Variants in NFIA observed in about 807,000 individuals in gnomAD.
NFIA encodes nuclear factor I A, also known as nuclear factor 1 A-type.
A neutral mutation model predicts 62.8 loss-of-function variants in NFIA; 8 were observed. That is an observed-to-expected ratio of 0.13 (90% confidence interval 0.07 to 0.23). The LOEUF (loss-of-function observed/expected upper bound fraction) is 0.23. Among genes scored for constraint, NFIA ranks in the 10% least tolerant of loss-of-function variants. NFIA has a pLI of 1.00. For missense variants in NFIA, 410 were observed against 642.1 expected (o/e 0.64, Z 3.91); for synonymous variants, 235 against 238.1 (o/e 0.99, Z 0.12).
chr1:61,433,639 T>C (rs1408066393), intron 10 of NFIA, among the ~76,000 whole-genome samples: 1 of 152,194 alleles, frequency 6.6e-6, no homozygotes, highest in African/African-American at 2.4e-5. Flanking sequence ...ACCTAACAAA[T>C]GATAGCTTTC....
chr1:61,252,878 C>A (rs1409012419), intron 2 of NFIA, among the ~76,000 whole-genome samples: 1 of 152,248 alleles, frequency 6.6e-6, no homozygotes, highest in South Asian at 2.1e-4. Context: ...AAGGTAACTT[C>A]TATTCTATTT....
intron 2 of NFIA, among the ~76,000 whole-genome samples, chr1:61,209,040 G>T (rs902794305): frequency 1.3e-5 from 2 of 152,122 alleles, no homozygotes; most frequent in African/African-American, 4.8e-5. Context: ...ATTTCCTGCT[G>T]TACTGGAGTA....
upstream of NFIA, chr1:61,081,930 A>G (rs1371899329): frequency 6.5e-7 from 1 of 1,550,104 alleles, no homozygotes; most frequent in South Asian, 1.2e-5. Flanking sequence ...GATTTTTCAA[A>G]GAAATTTGCA....
At chr1:61,346,409 T>C (rs1374189420) in intron 4 of NFIA, among the ~76,000 whole-genome samples, 1 of 152,232 alleles carries the variant, frequency 6.6e-6, no homozygotes, top group Non-Finnish European at 1.5e-5. Context: ...CCACAACTTT[T>C]ATTAGTTTCT....
chr1:61,208,899 G>A (rs1190487636), intron 2 of NFIA, among the ~76,000 whole-genome samples: 1 of 152,170 alleles, frequency 6.6e-6, no homozygotes, highest in Non-Finnish European at 1.5e-5. Context: ...TAAGTAGTGG[G>A]CAGTCAAAGA....
chr1:61,152,843 T>C (rs1648520313), intron 2 of NFIA, among the ~76,000 whole-genome samples: 1 of 152,180 alleles, frequency 6.6e-6, no homozygotes, highest in Non-Finnish European at 1.5e-5. Context: ...AATACTGTAT[T>C]GTAATATTTG....
At chr1:61,426,812 CTAGTGTGTGTTCCCTCT>C (rs1371538762) in intron 10 of NFIA, among the ~76,000 whole-genome samples, 17 of 152,182 alleles carry the variant, frequency 1.1e-4, no homozygotes, top group African/African-American at 3.9e-4. Flanking sequence ...CCAGTGTTAG[CTAGTGTGTGTTCCCTCT>C]TATAGGAATT....
chr1:61,082,852 G>GA (rs1646138040), intron 1 of NFIA, 34 bp downstream of exon 1: 1 of 1,545,302 alleles, frequency 6.5e-7, no homozygotes, highest in Admixed American at 2.0e-5. Flanking sequence ...GGGCTTGGGG[G>GA]CCGGGGCGCC....
intron 2 of NFIA, among the ~76,000 whole-genome samples, chr1:61,096,321 C>G (rs917976199): frequency 6.6e-6 from 1 of 151,800 alleles, no homozygotes; most frequent in Non-Finnish European, 1.5e-5. Flanking sequence ...TCAAGCGATT[C>G]TCCTGTCTCA....
chr1:61,134,628 T>C (rs1306761692), intron 2 of NFIA, among the ~76,000 whole-genome samples: 2 of 152,208 alleles, frequency 1.3e-5, no homozygotes, highest in Non-Finnish European at 2.9e-5. Flanking sequence ...TTAGTTGTTA[T>C]TATGGTGGAT....
chr1:61,376,057 C>A (rs1177586117), intron 6 of NFIA, among the ~76,000 whole-genome samples: 2 of 152,280 alleles, frequency 1.3e-5, no homozygotes, highest in South Asian at 4.2e-4. Context: ...CAGTTGATTG[C>A]AGCCTTCTCC....
At chr1:61,090,911 G>A (rs1646308848) in intron 2 of NFIA, among the ~76,000 whole-genome samples, 1 of 152,236 alleles carries the variant, frequency 6.6e-6, no homozygotes, top group African/African-American at 2.4e-5. Context: ...CCTGTTATTT[G>A]TGGAAGGGAA....
chr1:61,243,936 ATTAGTCCTTCCAAAGTGAGTATTTT>A (rs992782644), intron 2 of NFIA, among the ~76,000 whole-genome samples: 2 of 152,174 alleles, frequency 1.3e-5, no homozygotes, highest in African/African-American at 4.8e-5. Flanking sequence ...AATTTTTTCT[ATTAGTCCTTCCAAAGTGAGTATTTT>A]ACTTTAAAAG....
chr1:61,258,788 A>AGC (rs1656580347), intron 2 of NFIA, among the ~76,000 whole-genome samples: 1 of 151,892 alleles, frequency 6.6e-6, no homozygotes, highest in Non-Finnish European at 1.5e-5. Context: ...GAGTGGGGTG[A>AGC]CATGATCATG....
chr1:61,327,586 A>T (rs1661020171), intron 3 of NFIA, among the ~76,000 whole-genome samples: 1 of 152,122 alleles, frequency 6.6e-6, no homozygotes, highest in East Asian at 1.9e-4. Flanking sequence ...TGCAAAATAC[A>T]TTATTTTGTT....
intron 2 of NFIA, among the ~76,000 whole-genome samples, chr1:61,154,681 G>A (rs1478620213): frequency 6.6e-6 from 1 of 152,136 alleles, no homozygotes; most frequent in Non-Finnish European, 1.5e-5. Flanking sequence ...TGAACTCCTG[G>A]GCTCAAGCCA....
intron 2 of NFIA, among the ~76,000 whole-genome samples, chr1:61,260,509 A>G (rs1413564373): frequency 6.6e-6 from 1 of 152,242 alleles, no homozygotes; most frequent in African/African-American, 2.4e-5. Context: ...CACATAGTAC[A>G]TGCTCAATAA....
chr1:61,108,797 A>G (rs1164072230), intron 2 of NFIA, among the ~76,000 whole-genome samples: 1 of 151,780 alleles, frequency 6.6e-6, no homozygotes, highest in Non-Finnish European at 1.5e-5. Context: ...TAAAAATTTT[A>G]TGGTTTGGTA....
intron 2 of NFIA, among the ~76,000 whole-genome samples, chr1:61,255,209 A>G (rs989565353): frequency 1.3e-5 from 2 of 152,116 alleles, no homozygotes; most frequent in African/African-American, 4.8e-5. Context: ...ACACACCACA[A>G]AACCATCCAC....
Sources: allele counts gnomAD v4.1 joint callset (sites outside exome capture counted in the v4.1 genomes callset), GRCh38; gene constraint gnomAD v4.1.1; transcripts MANE v1.5; gene names NCBI Gene and HGNC (gene_info 2026-07-23, HGNC 2026-07-21).